Variants in SOX5 observed in about 807,000 individuals in gnomAD.
SOX5 encodes transcription factor SOX-5.
A neutral mutation model predicts 92.0 loss-of-function variants in SOX5; 9 were observed. The observed-to-expected ratio is 0.10, with a 90% CI of 0.06 to 0.17. The LOEUF (loss-of-function observed/expected upper bound fraction) is 0.17. SOX5 is among the 10% of genes least tolerant of loss of function. The pLI, the probability that SOX5 is intolerant of heterozygous loss-of-function variation, is 1.00. For synonymous variants in SOX5, 344 were observed against 336.3 expected (o/e 1.02, Z -0.25); for missense variants, 642 against 944.5 (o/e 0.68, Z 4.20).
chr12:23,695,306 A>C (rs898044980), intron 6 of SOX5, among the ~76,000 whole-genome samples: 2 of 152,148 alleles, frequency 1.3e-5, no homozygotes, highest in Non-Finnish European at 2.9e-5. Flanking sequence ...AAATGCTTTG[A>C]AATTCCATAA....
At chr12:24,141,154 T>C (rs1464267185) in intron 4 of SOX5, among the ~76,000 whole-genome samples, 5 of 152,162 alleles carry the variant, frequency 3.3e-5, no homozygotes, top group Non-Finnish European at 4.4e-5. Context: ...CAAACCTCTC[T>C]TCATGGCTAA....
chr12:23,611,468 G>T (rs1055044445), intron 8 of SOX5, among the ~76,000 whole-genome samples: 17 of 151,564 alleles, frequency 1.1e-4, no homozygotes, highest in African/African-American at 3.9e-4. Context: ...TCCATGTCTT[G>T]GTTATCGTAA....
chr12:23,750,204 G>A (rs1028613329), intron 4 of SOX5, among the ~76,000 whole-genome samples: 1 of 151,886 alleles, frequency 6.6e-6, no homozygotes, highest in African/African-American at 2.4e-5. Context: ...ACTAGAGTAT[G>A]TGGTGTCTGA....
chr12:24,228,730 T>C (rs1010206089), intron 3 of SOX5, among the ~76,000 whole-genome samples: 2 of 152,138 alleles, frequency 1.3e-5, no homozygotes, highest in South Asian at 4.1e-4. Flanking sequence ...ATACATACCA[T>C]TGAAGCACCC....
chr12:24,537,892 T>C (rs1254051545), intron 1 of SOX5, among the ~76,000 whole-genome samples: 1 of 152,232 alleles, frequency 6.6e-6, no homozygotes, highest in Non-Finnish European at 1.5e-5. Context: ...GCTGGTTTTG[T>C]ATCTGTTCAG....
intron 2 of SOX5, among the ~76,000 whole-genome samples, chr12:24,340,608 G>A (rs1163482597): frequency 6.6e-6 from 1 of 152,180 alleles, no homozygotes; most frequent in Non-Finnish European, 1.5e-5. Flanking sequence ...AGTGATTTGA[G>A]CACATCCTTT....
At chr12:24,449,378 C>T (rs377761976) in intron 1 of SOX5, among the ~76,000 whole-genome samples, 31 of 152,342 alleles carry the variant, frequency 2.0e-4, no homozygotes, top group African/African-American at 7.5e-4. Flanking sequence ...CTTGAGGATA[C>T]TGAACTAACT....
intron 1 of SOX5, among the ~76,000 whole-genome samples, chr12:24,506,089 T>C (rs1309949568): frequency 6.6e-6 from 1 of 152,204 alleles, no homozygotes. Flanking sequence ...ACCCCCTATG[T>C]GTGACCAAAA....
intron 4 of SOX5, among the ~76,000 whole-genome samples, chr12:24,192,492 A>C (rs1956623472): frequency 6.6e-6 from 1 of 152,228 alleles, no homozygotes. Context: ...GTTGGCATAC[A>C]ATTAATGTTG....
In SOX5 at chr12:23,530,725, A is replaced by G. The variant is rs1938791580; in HGVS notation, c.*3494T>C. ...CTTAGATTCATATGAAAACAGGACT[A>G]TTTTTAGAGAAACGGACTACAACAA... On this transcript the variant is annotated 3_prime_UTR_variant, in exon 15 of 15. Transcript: ENST00000451604. 6.6e-6 allele frequency: 1 copy of G among 152,040 alleles called. No homozygotes were observed. Among genetic ancestry groups the G allele is most frequent in the South Asian group, 2.1e-4 (1 of 4,822 alleles). 9.4% of individuals were successfully genotyped at this position (152,040 alleles called of 1,614,324 possible). A position where few individuals can be genotyped will look rare whatever the true frequency, so the allele number is the denominator to read the frequency against.
At chr12:23,977,428 G>T (rs1415401542) in intron 4 of SOX5, among the ~76,000 whole-genome samples, 1 of 152,204 alleles carries the variant, frequency 6.6e-6, no homozygotes, top group East Asian at 1.9e-4. Context: ...CCAGCACTTT[G>T]GGAGGCCAAG....
At chr12:23,587,879 G>A (rs1409644156) in intron 9 of SOX5, among the ~76,000 whole-genome samples, 1 of 151,988 alleles carries the variant, frequency 6.6e-6, no homozygotes, top group Non-Finnish European at 1.5e-5. Context: ...TACTGGCTCG[G>A]CCAAAGGCTA....
chr12:24,136,737 G>C (rs894949630), intron 4 of SOX5, among the ~76,000 whole-genome samples: 1 of 152,204 alleles, frequency 6.6e-6, no homozygotes, highest in African/African-American at 2.4e-5. Flanking sequence ...AAACAAAAAG[G>C]CTGCTTGAAC....
chr12:23,838,855 G>T, intron 3 of SOX5, among the ~76,000 whole-genome samples: 2 of 87,234 alleles, frequency 2.3e-5, no homozygotes, highest in Admixed American at 1.4e-4. Flanking sequence ...GGGGGGGGGG[G>T]CGGGGATGGA....
intron 4 of SOX5, among the ~76,000 whole-genome samples, chr12:23,983,110 T>A (rs1162182030): frequency 6.6e-6 from 1 of 151,802 alleles, no homozygotes; most frequent in Non-Finnish European, 1.5e-5. Flanking sequence ...AGTCCATTTT[T>A]TTTTTTTTTT....
Position 24,117,300 on chromosome 12 carries a change from A to AAT in SOX5, c.-2+96042_-2+96043insAT, listed in dbSNP as rs991825603. Among the ~76,000 whole-genome samples, 163 of 152,336 alleles carry AAT rather than the reference A, an allele frequency of 1.1e-3. 1 individual carries two copies. Among genetic ancestry groups the AAT allele is most frequent in the African/African-American group, 3.8e-3 (156 of 41,586 alleles). On this transcript the variant is annotated intron_variant, in intron 4 of 4. Transcript: ENST00000446891. ...CCTGTTAGAAGGGCTGCTATCTATAATACAAATGGTAAGTGTTGGTGAGGA... is the reference window on the plus strand; with the variant it reads ...CCTGTTAGAAGGGCTGCTATCTATAAATTACAAATGGTAAGTGTTGGTGAGGA...
intron 2 of SOX5, among the ~76,000 whole-genome samples, chr12:24,357,927 A>G (rs1955071280): frequency 6.6e-6 from 1 of 152,024 alleles, no homozygotes; most frequent in Admixed American, 6.6e-5. Context: ...AATTTTCTAT[A>G]TTTTAAGACT....
At chr12:24,013,466 G>T (rs1953203469) in intron 4 of SOX5, among the ~76,000 whole-genome samples, 2 of 152,178 alleles carry the variant, frequency 1.3e-5, no homozygotes, top group African/African-American at 2.4e-5. Context: ...TTTCTAAAAC[G>T]TATCTGCATA....
chr12:24,346,114 C>T (rs1457480683), intron 2 of SOX5, among the ~76,000 whole-genome samples: 2 of 152,362 alleles, frequency 1.3e-5, no homozygotes, highest in South Asian at 4.1e-4. Flanking sequence ...CAAAGTCAAA[C>T]TTCCAATCTT....
Sources: gnomAD v4.1 joint callset for allele counts (sites outside exome capture counted in the v4.1 genomes callset) on GRCh38, gnomAD v4.1.1 for gene constraint, MANE v1.5 for transcripts, NCBI Gene and HGNC (gene_info 2026-07-23, HGNC 2026-07-21) for gene names.